The following ARF4 variants were observed in gnomAD, a reference collection of about 807,000 sequenced individuals.
ARF4 encodes ADP-ribosylation factor 4.
ARF4 carries 5 observed loss-of-function variants against 24.3 expected under a neutral mutation model. That is an observed-to-expected ratio of 0.21 (90% CI 0.11 to 0.43). ARF4 has a LOEUF of 0.43. Among genes scored for constraint, ARF4 ranks in the 20% least tolerant of loss-of-function variants. The pLI, the probability that ARF4 is intolerant of heterozygous loss-of-function variation, is 1.00. For missense variants in ARF4, 107 were observed against 213.0 expected, an observed-to-expected ratio of 0.50 and a Z score of 3.10; for synonymous variants, 62 against 73.5, an observed-to-expected ratio of 0.84 and a Z score of 0.80.
chr3:57,595,459 C>T (rs1460140361), intron 1 of ARF4, among the ~76,000 whole-genome samples: 2 of 152,150 alleles, frequency 1.3e-5, no homozygotes, highest in Non-Finnish European at 2.9e-5. Context: ...ATAATTCTGT[C>T]CTCTTGACAA....
intron 5 of ARF4, among the ~76,000 whole-genome samples, 196 bp from the exon 6 acceptor site, chr3:57,572,494 G>T (rs2069852942): frequency 6.6e-6 from 1 of 151,674 alleles, no homozygotes; most frequent in South Asian, 2.1e-4. Flanking sequence ...GCGGAGATGG[G>T]AGGATCACTT....
In ARF4 at chr3:57,572,101, G is replaced by A. The variant is rs1265619011; in HGVS notation, c.*111C>T. The A allele has an allele frequency of 2.5e-6, 2 of 794,908 alleles. No individual in the cohort carries two copies. The highest frequency in any genetic ancestry group is 4.3e-6 in the Non-Finnish European group (2 of 466,354). The allele number at this position is 794,908 out of a possible 1,614,324, so 49.2% of individuals were successfully genotyped here. ...GGCAACAAAATAAGTTTAATATTCT[G>A]CCCAAACCAGTCCCAGATACTGTTT... On this transcript the variant is annotated 3_prime_UTR_variant, in exon 6 of 6. Coordinates refer to ENST00000303436, the MANE Select transcript of ARF4 (RefSeq NM_001660.4).
chr3:57,597,152 C>T lies in ARF4; in HGVS notation c.-12G>A. ...ATAGTGAGGCCCATGGCGGTAGTGGCACTTGTGATGGGCAGAAGCAGAAGG... is the reference window on the plus strand; with the variant it reads ...ATAGTGAGGCCCATGGCGGTAGTGGTACTTGTGATGGGCAGAAGCAGAAGG... On this transcript the variant is annotated 5_prime_UTR_variant, in exon 1 of 6. Coordinates refer to ENST00000303436, the MANE Select transcript of ARF4 (RefSeq NM_001660.4). 1 of 1,613,048 alleles carries T rather than the reference C, an allele frequency of 6.2e-7. No individual in the cohort carries two copies. Among genetic ancestry groups the T allele is most frequent in the Non-Finnish European group, 8.5e-7 (1 of 1,179,036 alleles).
At chr3:57,589,963 C>A (rs1431251961) in intron 1 of ARF4, among the ~76,000 whole-genome samples, 1 of 148,760 alleles carries the variant, frequency 6.7e-6, no homozygotes, top group Non-Finnish European at 1.5e-5. Context: ...TGGTGGCGGG[C>A]GCCTGTAATC....
At chr3:57,575,170 C>A (rs1029065902) in intron 5 of ARF4, among the ~76,000 whole-genome samples, 5 of 152,054 alleles carry the variant, frequency 3.3e-5, no homozygotes, top group Non-Finnish European at 7.4e-5. Flanking sequence ...ACTTTTAAAA[C>A]AAGCAAACAA....
At chr3:57,577,518 G>A (rs867734893) in intron 3 of ARF4, 131 bp from the exon 4 acceptor site, 1 of 682,396 alleles carries the variant, frequency 1.5e-6, no homozygotes, top group Non-Finnish European at 2.5e-6. Context: ...AAGAACTTAA[G>A]GCTGTAATGC....
chr3:57,591,911 G>A (rs2070121169), intron 1 of ARF4, among the ~76,000 whole-genome samples: 1 of 152,140 alleles, frequency 6.6e-6, no homozygotes, highest in Non-Finnish European at 1.5e-5. Context: ...AAAGGGGAAT[G>A]GGAATTATTA....
Position 57,575,420 on chromosome 3 carries a change from TTAAA to T in ARF4, c.456+124_456+127del. On this transcript the variant is annotated intron_variant, in intron 5 of 5. Transcript: ENST00000303436. ...GTATTTAAAGTTTATTACCATATTT[TTAAA>T]TAAATGATGTGCTCATTATTTGTCC... 5.2e-6 allele frequency: 5 copies of T among 962,782 alleles called. No homozygotes were observed. The East Asian group carries it at 1.6e-4, about 30-fold the overall frequency. 59.6% of individuals were successfully genotyped at this position (962,782 alleles called of 1,614,324 possible).
At chr3:57,588,020 A>G (rs1264654465) in intron 1 of ARF4, among the ~76,000 whole-genome samples, 1 of 152,208 alleles carries the variant, frequency 6.6e-6, no homozygotes, top group African/African-American at 2.4e-5. Flanking sequence ...AACAATTTTG[A>G]GCCACTTCAG....
chr3:57,589,977 G>A (rs990471437), intron 1 of ARF4, among the ~76,000 whole-genome samples: 3 of 150,294 alleles, frequency 2.0e-5, no homozygotes, highest in African/African-American at 7.3e-5. Context: ...TGTAATCCCA[G>A]CTACTCGGGA....
At chr3:57,582,126 C>T (rs1010200619) in intron 3 of ARF4, among the ~76,000 whole-genome samples, 4 of 152,234 alleles carry the variant, frequency 2.6e-5, no homozygotes, top group Admixed American at 1.3e-4. Flanking sequence ...CCAAGAATTT[C>T]GGATAAGGAA....
intron 1 of ARF4, among the ~76,000 whole-genome samples, chr3:57,596,394 A>G (rs1322734405): frequency 6.6e-6 from 1 of 152,242 alleles, no homozygotes; most frequent in African/African-American, 2.4e-5. Flanking sequence ...ACACATTTAA[A>G]GTTTTTGAAA....
intron 1 of ARF4, among the ~76,000 whole-genome samples, chr3:57,585,685 C>CA (rs1200267014): frequency 1.7e-5 from 2 of 114,534 alleles, no homozygotes; most frequent in Non-Finnish European, 3.5e-5. Flanking sequence ...TTTTTTGAGA[C>CA]AGAGTATCAC....
intron 1 of ARF4, among the ~76,000 whole-genome samples, chr3:57,588,297 A>G (rs62260505): frequency 0.16 from 24,749 of 152,152 alleles, 2,679 homozygotes; most frequent in East Asian, 0.48. Context: ...CCAGGCAGTC[A>G]CTCACACCTG....
intron 3 of ARF4, among the ~76,000 whole-genome samples, chr3:57,582,050 A>G (rs1027173004): frequency 1.3e-5 from 2 of 152,174 alleles, no homozygotes; most frequent in Admixed American, 1.3e-4. Context: ...AGAATGCTCA[A>G]CTGGGTACAA....
intron 1 of ARF4, among the ~76,000 whole-genome samples, chr3:57,587,438 C>A (rs908760549): frequency 2.0e-5 from 3 of 151,126 alleles, no homozygotes; most frequent in African/African-American, 7.3e-5. Context: ...TGTAGGTAAT[C>A]CAAGTTTTCT....
In ARF4 at chr3:57,585,299, G is replaced by C. The variant is rs918234061; in HGVS notation, c.68-835C>G. 9.9e-5 allele frequency among the ~76,000 whole-genome samples: 15 copies of C among 152,060 alleles called. 1 individual carries two copies. In the East Asian group the frequency reaches 2.7e-3, roughly 27 times the overall value. On this transcript the variant is annotated intron_variant, in intron 1 of 5. Transcript: ENST00000303436. ...TTGGGTAACAGATTTTGATGCTAAG[G>C]GGTAAAAAATACACTGGTATAAGTA...
In ARF4 at chr3:57,597,126, G is replaced by A. The variant is rs144207112; in HGVS notation, c.15C>T (p.Ile5=). The change falls in exon 1 of 6, where the codon ATC becomes ATT. Residue 5 remains isoleucine (I), a synonymous_variant. Coordinates refer to ENST00000303436, the MANE Select transcript of ARF4 (RefSeq NM_001660.4). Reference sequence around the variant, plus strand: ...CAAATAGTCGGGAGAAGAGGGAGGAGATAGTGAGGCCCATGGCGGTAGTGG... The same window carrying A: ...CAAATAGTCGGGAGAAGAGGGAGGAAATAGTGAGGCCCATGGCGGTAGTGG... MGLT[I]SSLFSRLFGK... 28 of 1,614,008 alleles carry A rather than the reference G, an allele frequency of 1.7e-5. No homozygotes were observed. In the African/African-American group the frequency reaches 3.2e-4, roughly 18 times the overall value.
In ARF4 at chr3:57,572,018, T is replaced by A; in HGVS notation, c.*194A>T. ...GAGGATACTTTTTTCCCAAGGAGAA[T>A]TTCTTTAAAACCAAGCACATTGCTA... On this transcript the variant is annotated 3_prime_UTR_variant, in exon 6 of 6. Coordinates refer to ENST00000303436, the MANE Select transcript of ARF4 (RefSeq NM_001660.4). The A allele has an allele frequency of 2.1e-6, 1 of 486,554 alleles. No individual in the cohort carries two copies. 30.1% of individuals were successfully genotyped at this position (486,554 alleles called of 1,614,324 possible).
Sources: gnomAD v4.1 joint callset for allele counts (sites outside exome capture counted in the v4.1 genomes callset) on GRCh38, gnomAD v4.1.1 for gene constraint, MANE v1.5 for transcripts, NCBI Gene and HGNC (gene_info 2026-07-23, HGNC 2026-07-21) for gene names.